The following CECR2 variants were observed in gnomAD, a reference collection of about 807,000 sequenced individuals.
The protein encoded by CECR2 is chromatin remodeling regulator CECR2.
In CECR2, 30 loss-of-function variants were observed where a neutral mutation model predicts 154.5. The observed-to-expected ratio is 0.19, with a 90% confidence interval of 0.15 to 0.26. CECR2 has a LOEUF of 0.26. Among genes scored for constraint, CECR2 ranks in the 10% least tolerant of loss-of-function variants. CECR2 has a pLI of 1.00. For synonymous variants in CECR2, 725 were observed against 683.7 expected, an observed-to-expected ratio of 1.06 and a Z score of -0.94; for missense variants, 1,743 against 1,829.3, an observed-to-expected ratio of 0.95 and a Z score of 0.86.
intron 8 of CECR2, among the ~76,000 whole-genome samples, chr22:17,514,186 G>A (rs980183515): frequency 1.3e-5 from 2 of 152,278 alleles, no homozygotes; most frequent in African/African-American, 2.4e-5. Flanking sequence ...AGACTGTCTC[G>A]CTGAACTCAG....
At position 17,500,721 on chromosome 22, in the gene CECR2, G is replaced by A; in HGVS notation, c.636G>A (p.Glu212=). The change falls in exon 5 of 19, where the codon GAG becomes GAA. Residue 212 remains glutamate (E), a synonymous_variant. Transcript: ENST00000262608. ...CCCCAAAACGGAAGAAACTGCAGGA[G>A]GAGATTCTGTTGAGGTAAGAAAATC... is the stretch of plus-strand genomic sequence containing the variant. ...GRPPKRKKLQ[E]EILLSEKQEE... 1 of 1,552,866 alleles carries A rather than the reference G, an allele frequency of 6.4e-7. No homozygotes were observed. The highest frequency in any genetic ancestry group is 8.7e-7 in the Non-Finnish European group (1 of 1,148,094).
chr22:17,372,976 A>C (rs549048421), intron 1 of CECR2, among the ~76,000 whole-genome samples: 2 of 152,326 alleles, frequency 1.3e-5, no homozygotes, highest in African/African-American at 4.8e-5. Context: ...GGCAGGATTC[A>C]TGCCCCACTT....
chr22:17,468,892 T>A (rs1371067620), intron 1 of CECR2, among the ~76,000 whole-genome samples: 1 of 152,080 alleles, frequency 6.6e-6, no homozygotes, highest in African/African-American at 2.4e-5. Context: ...GTGAGGGCTG[T>A]TGTGTGGCAC....
At chr22:17,404,882 C>G (rs2146545780) in intron 1 of CECR2, among the ~76,000 whole-genome samples, 1 of 152,158 alleles carries the variant, frequency 6.6e-6, no homozygotes, top group East Asian at 1.9e-4. Flanking sequence ...CAAAAAAAGC[C>G]TGCTAGCATT....
chr22:17,539,562 T>C (rs889455928), intron 13 of CECR2, among the ~76,000 whole-genome samples: 6 of 152,136 alleles, frequency 3.9e-5, no homozygotes, highest in Admixed American at 3.9e-4. Context: ...ATATACCTAA[T>C]GTAAATGACG....
intron 1 of CECR2, among the ~76,000 whole-genome samples, chr22:17,383,122 G>T (rs1012023532): frequency 6.6e-6 from 1 of 152,144 alleles, no homozygotes; most frequent in African/African-American, 2.4e-5. Context: ...GCTGCTCAGA[G>T]GCTGAGGCAG....
intron 9 of CECR2, among the ~76,000 whole-genome samples, chr22:17,533,158 A>G (rs866951173): frequency 5.9e-5 from 9 of 151,670 alleles, no homozygotes; most frequent in Middle Eastern, 3.4e-3. Context: ...TCTACTAAAA[A>G]TAGAAAAATT....
chr22:17,530,243 T>C (rs1013691644), intron 9 of CECR2, among the ~76,000 whole-genome samples: 1 of 152,036 alleles, frequency 6.6e-6, no homozygotes, highest in African/African-American at 2.4e-5. Flanking sequence ...GTTGTTGTTT[T>C]GAGACGGAGT....
In CECR2 at chr22:17,555,699, A is replaced by G. The variant is rs144070044; in HGVS notation, c.*2859A>G. 7.9e-5 allele frequency: 12 copies of G among 152,284 alleles called. No homozygotes were observed. The highest frequency in any genetic ancestry group is 1.5e-4 in the Non-Finnish European group (10 of 68,018). The allele number at this position is 152,284 out of a possible 1,614,324, so 9.4% of individuals were successfully genotyped here. ...GAAAATGATGGTTATGTGATATGTTATATTTAGGAAGTAGTGTGTAAGGTA... is the reference window on the plus strand; with the variant it reads ...GAAAATGATGGTTATGTGATATGTTGTATTTAGGAAGTAGTGTGTAAGGTA... On this transcript the variant is annotated 3_prime_UTR_variant, in exon 19 of 19. Transcript: ENST00000262608.
chr22:17,480,079 T>C (rs1461810497), intron 2 of CECR2, among the ~76,000 whole-genome samples: 4 of 152,134 alleles, frequency 2.6e-5, no homozygotes, highest in African/African-American at 9.7e-5. Flanking sequence ...ATTTATTAAA[T>C]AATAGAATAC....
chr22:17,366,508 T>C (rs1010289439), upstream of CECR2, among the ~76,000 whole-genome samples: 2 of 152,220 alleles, frequency 1.3e-5, no homozygotes, highest in African/African-American at 4.8e-5. Flanking sequence ...TTAAGGAAGA[T>C]GATTCAACTA....
chr22:17,461,544 G>C (rs1009883926), intron 1 of CECR2, among the ~76,000 whole-genome samples: 23 of 152,146 alleles, frequency 1.5e-4, no homozygotes, highest in African/African-American at 5.6e-4. Context: ...TCCTGGCGAG[G>C]AGTTTGATGG....
rs2056537648 is a variant in CECR2, at chr22:17,542,322, G to C, written c.2179G>C (p.Ala727Pro). 1 of 1,612,978 alleles carries C rather than the reference G, an allele frequency of 6.2e-7. No homozygotes were observed. The highest frequency in any genetic ancestry group is 1.3e-5 in the African/African-American group (1 of 74,894). ...TCAGGATGGAAGCATGTATGCTCCAGCTCAGTTCCAGCCAGGATTCATTCC... is the reference window on the plus strand; with the variant it reads ...TCAGGATGGAAGCATGTATGCTCCACCTCAGTTCCAGCCAGGATTCATTCC... ...PSQDGSMYAP[A>P]QFQPGFIPPR... The change falls in exon 16 of 19, where the codon GCT (alanine) becomes CCT (proline). Residue 727 changes from alanine to proline, a missense_variant. Ala to Pro is a conservative substitution (Grantham distance 27). Coordinates refer to ENST00000262608, the MANE Select transcript of CECR2 (RefSeq NM_001290047.2).
intron 2 of CECR2, among the ~76,000 whole-genome samples, chr22:17,497,041 C>T (rs183327997): frequency 6.6e-6 from 1 of 152,320 alleles, no homozygotes; most frequent in Admixed American, 6.5e-5. Context: ...CCCCTGTAAT[C>T]CCAGCACTTT....
chr22:17,395,995 T>G (rs1226786228), intron 1 of CECR2, among the ~76,000 whole-genome samples: 1 of 151,914 alleles, frequency 6.6e-6, no homozygotes, highest in Non-Finnish European at 1.5e-5. Flanking sequence ...ATCCCAGCAC[T>G]TTGGGAGGCT....
chr22:17,520,121 A>C (rs568863315), intron 8 of CECR2, among the ~76,000 whole-genome samples: 3 of 152,264 alleles, frequency 2.0e-5, no homozygotes, highest in African/African-American at 7.2e-5. Flanking sequence ...TTAACATTAC[A>C]ATTTCATGAG....
intron 1 of CECR2, among the ~76,000 whole-genome samples, chr22:17,447,352 A>G (rs1476758539): frequency 1.3e-5 from 2 of 151,976 alleles, no homozygotes. Context: ...ACGGGGTTTC[A>G]TCGTGTTATC....
At position 17,509,698 on chromosome 22, in the gene CECR2, T is replaced by C. The variant is rs891091254; in HGVS notation, c.871-2115T>C. Among the ~76,000 whole-genome samples, 6 of 152,202 alleles carry C rather than the reference T, an allele frequency of 3.9e-5. No individual in the cohort carries two copies. The South Asian group carries it at 6.2e-4, about 16-fold the overall frequency. On this transcript the variant is annotated intron_variant, in intron 7 of 18. Coordinates refer to ENST00000262608, the MANE Select transcript of CECR2 (RefSeq NM_001290047.2). ...TTTTTGTTTAATTACAAAGAACCCA[T>C]GTCAATGTACAGAGCATAGTATTTG...
At chr22:17,433,802 G>C (rs73375092) in intron 1 of CECR2, among the ~76,000 whole-genome samples, 5,026 of 152,206 alleles carry the variant, frequency 0.033, 290 homozygotes, top group African/African-American at 0.11. Context: ...GCATTATCAA[G>C]GAGGAGCTAT....
Sources: gnomAD v4.1 joint callset for allele counts (sites outside exome capture counted in the v4.1 genomes callset) on GRCh38, gnomAD v4.1.1 for gene constraint, MANE v1.5 for transcripts, NCBI Gene and HGNC (gene_info 2026-07-23, HGNC 2026-07-21) for gene names.